ZWILCH: variants seen among roughly 807,000 people sequenced by gnomAD.
The protein encoded by ZWILCH is protein zwilch homolog.
Under a neutral mutation model 79.9 loss-of-function variants are expected in ZWILCH, and 74 were observed. The ratio of observed to expected loss-of-function variants is 0.93; its 90% CI spans 0.77 to 1.12. The LOEUF (loss-of-function observed/expected upper bound fraction) is 1.12, where lower values mean the gene tolerates loss of function less well. Ranked by LOEUF, ZWILCH falls within the 50% of genes most tolerant of loss-of-function variation. ZWILCH has a pLI of 0.00. For missense variants in ZWILCH, 694 were observed against 687.5 expected, an observed-to-expected ratio of 1.01 and a Z score of -0.11; for synonymous variants, 241 against 228.2, an observed-to-expected ratio of 1.06 and a Z score of -0.51.
intron 1 of ZWILCH, among the ~76,000 whole-genome samples, chr15:66,507,431 C>T (rs1238752379): frequency 1.3e-5 from 2 of 152,186 alleles, no homozygotes; most frequent in African/African-American, 4.8e-5. Flanking sequence ...ACAAGTTATT[C>T]ACAGCTATTT....
At chr15:66,531,001 A>G (rs1377012265) in intron 12 of ZWILCH, among the ~76,000 whole-genome samples, 1 of 152,238 alleles carries the variant, frequency 6.6e-6, no homozygotes, top group Non-Finnish European at 1.5e-5. Flanking sequence ...AAGTGAAACT[A>G]TGTGTATATT....
At chr15:66,509,095 A>G (rs549419835) in intron 2 of ZWILCH, among the ~76,000 whole-genome samples, 4 of 152,078 alleles carry the variant, frequency 2.6e-5, no homozygotes, top group Non-Finnish European at 5.9e-5. Context: ...GCCTGCCACC[A>G]CGCCTGACTA....
intron 16 of ZWILCH, among the ~76,000 whole-genome samples, chr15:66,537,562 G>A (rs1895054741): frequency 6.6e-6 from 1 of 151,850 alleles, no homozygotes; most frequent in African/African-American, 2.4e-5. Flanking sequence ...ATGGTGGCAT[G>A]CACCTATAAT....
chr15:66,511,539 T>C (rs1022833894), intron 2 of ZWILCH, among the ~76,000 whole-genome samples: 17 of 151,922 alleles, frequency 1.1e-4, no homozygotes, highest in African/African-American at 4.1e-4. Flanking sequence ...ACCATCATTA[T>C]TGATCAAACA....
At chr15:66,542,947 G>T (rs1156872850) in intron 17 of ZWILCH, among the ~76,000 whole-genome samples, 1 of 152,172 alleles carries the variant, frequency 6.6e-6, no homozygotes, top group Non-Finnish European at 1.5e-5. Flanking sequence ...GTCTGTGCTG[G>T]CGTGGGTATG....
At chr15:66,518,147 G>A (rs916890497) in intron 4 of ZWILCH, among the ~76,000 whole-genome samples, 26 of 151,974 alleles carry the variant, frequency 1.7e-4, no homozygotes, top group African/African-American at 6.0e-4. Flanking sequence ...GCTCATAGTA[G>A]CTCCAATCCT....
chr15:66,535,522 G>T (rs1038909004), intron 14 of ZWILCH, among the ~76,000 whole-genome samples: 1 of 151,880 alleles, frequency 6.6e-6, no homozygotes, highest in Non-Finnish European at 1.5e-5. Flanking sequence ...ATAAAAATAT[G>T]AAAATTAGCT....
intron 16 of ZWILCH, among the ~76,000 whole-genome samples, chr15:66,539,126 A>G (rs1407640569): frequency 6.6e-6 from 1 of 152,100 alleles, no homozygotes; most frequent in African/African-American, 2.4e-5. Context: ...AATCACCATC[A>G]TTAATCTCTA....
chr15:66,548,739 G>A lies in ZWILCH; in HGVS notation c.*415G>A, dbSNP rs1399426533. Reference sequence around the variant, plus strand: ...TCCTCAAATTTTCTGATTCTTATTTGCCATGAAATAGAACTTAGTAAATTA... The same window carrying A: ...TCCTCAAATTTTCTGATTCTTATTTACCATGAAATAGAACTTAGTAAATTA... On this transcript the variant is annotated 3_prime_UTR_variant, in exon 19 of 19. Coordinates refer to ENST00000307897, the MANE Select transcript of ZWILCH (RefSeq NM_017975.5). 1.0e-5 allele frequency: 5 copies of A among 499,340 alleles called. No individual in the cohort carries two copies. The highest frequency in any genetic ancestry group is 1.9e-5 in the African/African-American group (1 of 51,882). The allele number at this position is 499,340 out of a possible 1,614,324, so 30.9% of individuals were successfully genotyped here.
chr15:66,515,692 T>G (rs2140751574), intron 4 of ZWILCH, 48 bp downstream of exon 4: 1 of 1,278,360 alleles, frequency 7.8e-7, no homozygotes, highest in East Asian at 2.3e-5. Flanking sequence ...GGATTTAAAT[T>G]GAAACATTCT....
intron 17 of ZWILCH, among the ~76,000 whole-genome samples, chr15:66,540,878 C>T (rs1044450623): frequency 3.3e-5 from 5 of 151,710 alleles, no homozygotes; most frequent in Non-Finnish European, 7.4e-5. Context: ...CCACCTGCCT[C>T]AGCCTCCCAA....
intron 2 of ZWILCH, among the ~76,000 whole-genome samples, chr15:66,512,588 A>G (rs79096679): frequency 0.022 from 3,401 of 152,018 alleles, 50 homozygotes; most frequent in Non-Finnish European, 0.038. Context: ...TGGAAAAGGA[A>G]CGTGTACCAA....
At chr15:66,507,891 C>T (rs888575419) in intron 1 of ZWILCH, among the ~76,000 whole-genome samples, 1 of 150,998 alleles carries the variant, frequency 6.6e-6, no homozygotes, top group African/African-American at 2.4e-5. Flanking sequence ...GGAGATCACG[C>T]CACTGTACTC....
intron 12 of ZWILCH, among the ~76,000 whole-genome samples, chr15:66,531,342 A>G (rs1894846605): frequency 6.6e-6 from 1 of 152,206 alleles, no homozygotes; most frequent in Non-Finnish European, 1.5e-5. Flanking sequence ...TAAAGTTTCA[A>G]AGGAACAGCT....
chr15:66,521,104 G>T lies in ZWILCH; in HGVS notation c.646G>T (p.Asp216Tyr). Reference protein sequence around the residue: ...YELFKSSALDDTITASQTAIA... With the variant: ...YELFKSSALDYTITASQTAIA... ...GCTCTTTAAGTCCTCTGCCTTGGAT[G>T]ATACAATCACAGCATCACAAACTGC... Residue 216 changes from aspartate to tyrosine, a missense_variant, in exon 7 of 19, where the codon GAT becomes TAT. Asp to Tyr is a radical substitution (Grantham distance 160). Transcript: ENST00000307897. The T allele has an allele frequency of 6.2e-7, 1 of 1,614,160 alleles. No individual in the cohort carries two copies. The highest frequency in any genetic ancestry group is 8.5e-7 in the Non-Finnish European group (1 of 1,180,042).
At chr15:66,536,489 G>A (rs1278169225) in intron 15 of ZWILCH, among the ~76,000 whole-genome samples, 1 of 152,174 alleles carries the variant, frequency 6.6e-6, no homozygotes. Flanking sequence ...TAATTGTAGA[G>A]ACTGCTGTAA....
intron 16 of ZWILCH, among the ~76,000 whole-genome samples, chr15:66,538,271 C>T (rs1369861711): frequency 2.0e-5 from 3 of 152,214 alleles, no homozygotes; most frequent in African/African-American, 4.8e-5. Flanking sequence ...TGGCAAAGGT[C>T]ACCAATGACC....
At chr15:66,533,981 C>T (rs868232351) in intron 14 of ZWILCH, among the ~76,000 whole-genome samples, 87 of 152,208 alleles carry the variant, frequency 5.7e-4, no homozygotes, top group African/African-American at 2.0e-3. Context: ...TTGTCTGTGC[C>T]TGTGGTCCCA....
At chr15:66,518,426 G>A in intron 4 of ZWILCH, among the ~76,000 whole-genome samples, 1 of 151,570 alleles carries the variant, frequency 6.6e-6, no homozygotes, top group East Asian at 1.9e-4. Flanking sequence ...GACTACAGGA[G>A]CCCGCCACTA....
Sources: gnomAD v4.1 joint callset for allele counts (sites outside exome capture counted in the v4.1 genomes callset) on GRCh38, gnomAD v4.1.1 for gene constraint, MANE v1.5 for transcripts, NCBI Gene and HGNC (gene_info 2026-07-23, HGNC 2026-07-21) for gene names.